Variants in PTK2 observed in about 807,000 individuals in gnomAD.
The protein encoded by PTK2 is protein tyrosine kinase 2, also known as focal adhesion kinase 1.
Under a neutral mutation model 150.1 loss-of-function variants are expected in PTK2, and 45 were observed. The ratio of observed to expected loss-of-function variants is 0.30; its 90% CI spans 0.24 to 0.38. PTK2 has a LOEUF of 0.38. Ranked by LOEUF, PTK2 falls within the 10% of genes least tolerant of loss-of-function variation. The pLI is 1.00. For missense variants in PTK2, 919 were observed against 1,307.3 expected (o/e 0.70, Z 4.58); for synonymous variants, 432 against 449.2 (o/e 0.96, Z 0.48).
intron 1 of PTK2, among the ~76,000 whole-genome samples, chr8:140,994,310 A>G (rs935114005): frequency 6.6e-6 from 1 of 152,244 alleles, no homozygotes; most frequent in Non-Finnish European, 1.5e-5. Context: ...GTATTTATGC[A>G]AATCAAGCTA....
chr8:140,824,054 A>G (rs2100110450), intron 8 of PTK2, among the ~76,000 whole-genome samples: 1 of 152,196 alleles, frequency 6.6e-6, no homozygotes, highest in Non-Finnish European at 1.5e-5. Flanking sequence ...ACAGGGATTG[A>G]AGCCATCAAC....
intron 14 of PTK2, chr8:140,769,592 T>A (rs763518658): frequency 7.3e-7 from 1 of 1,362,452 alleles, no homozygotes; most frequent in Admixed American, 1.9e-5. Context: ...ACTAATTTCA[T>A]CTGCAGATCC....
intron 8 of PTK2, among the ~76,000 whole-genome samples, chr8:140,828,457 T>C (rs1158864825): frequency 1.3e-5 from 2 of 152,142 alleles, no homozygotes; most frequent in Non-Finnish European, 2.9e-5. Context: ...CTAGAATGTA[T>C]TGGACTCCTA....
chr8:140,958,171 T>G (rs1180498348), intron 1 of PTK2, among the ~76,000 whole-genome samples: 1 of 152,222 alleles, frequency 6.6e-6, no homozygotes, highest in African/African-American at 2.4e-5. Context: ...AGTGTCTCAC[T>G]CTGTCACCCA....
At chr8:140,985,438 T>A (rs1231130549) in intron 1 of PTK2, among the ~76,000 whole-genome samples, 2 of 152,302 alleles carry the variant, frequency 1.3e-5, no homozygotes, top group Middle Eastern at 3.4e-3. Flanking sequence ...ATGACATTTT[T>A]AAAAATCTAT....
intron 10 of PTK2, among the ~76,000 whole-genome samples, chr8:140,808,733 G>GTTTTT (rs57600032): frequency 2.4e-4 from 28 of 116,570 alleles, no homozygotes; most frequent in African/African-American, 5.5e-4. Flanking sequence ...TTTTGTTCTT[G>GTTTTT]TTTTTTTTTT....
chr8:140,678,048 GTTGA>G (rs2100014873), intron 27 of PTK2, among the ~76,000 whole-genome samples: 1 of 152,250 alleles, frequency 6.6e-6, no homozygotes, highest in South Asian at 2.1e-4. Flanking sequence ...TTTGGTATTG[GTTGA>G]TTGATTAAGT....
intron 1 of PTK2, among the ~76,000 whole-genome samples, chr8:140,952,201 T>G (rs1399803111): frequency 2.0e-5 from 3 of 152,206 alleles, no homozygotes; most frequent in Admixed American, 2.0e-4. Flanking sequence ...TTAGTGCAAG[T>G]TAACTGCGGG....
intron 4 of PTK2, 70 bp from the exon 5 acceptor site, chr8:140,864,469 A>G: frequency 1.2e-6 from 1 of 861,650 alleles, no homozygotes; most frequent in Non-Finnish European, 1.8e-6. Context: ...TACAATTATA[A>G]TATTGTGAGT....
chr8:140,922,780 T>C (rs368808785), intron 2 of PTK2, among the ~76,000 whole-genome samples: 10 of 152,148 alleles, frequency 6.6e-5, no homozygotes, highest in Admixed American at 3.9e-4. Context: ...GACAGGGTCA[T>C]AGACTAGGAA....
At chr8:140,891,654 C>G (rs1193622614) in intron 2 of PTK2, among the ~76,000 whole-genome samples, 2 of 152,142 alleles carry the variant, frequency 1.3e-5, no homozygotes, top group Admixed American at 1.3e-4. Flanking sequence ...AGCAAGGGAT[C>G]AAATCTTGGA....
intron 3 of PTK2, among the ~76,000 whole-genome samples, chr8:140,885,548 A>C (rs149725675): frequency 6.6e-6 from 1 of 152,312 alleles, no homozygotes; most frequent in Admixed American, 6.5e-5. Flanking sequence ...TGACAGAAAA[A>C]CAGCAATGGT....
chr8:140,927,790 T>C (rs1163660229), intron 1 of PTK2, among the ~76,000 whole-genome samples: 6 of 151,006 alleles, frequency 4.0e-5, no homozygotes, highest in African/African-American at 1.5e-4. Context: ...ACCCCATCTG[T>C]ACTAAATACA....
rs553129002 is a variant in PTK2, at chr8:140,693,218, G to A, written c.2500-6524C>T. ...CTTTCAGAGTATATTTGCAGGCACAGAACTATTTCAGAAAGGACAGTATCT... is the reference window on the plus strand; with the variant it reads ...CTTTCAGAGTATATTTGCAGGCACAAAACTATTTCAGAAAGGACAGTATCT... On this transcript the variant is annotated intron_variant, in intron 26 of 31. Coordinates refer to ENST00000522684, the Ensembl canonical transcript of PTK2. 3.0e-3 allele frequency among the ~76,000 whole-genome samples: 443 copies of A among 149,814 alleles called. 4 individuals are homozygous for A. Among genetic ancestry groups the A allele is most frequent in the African/African-American group, 0.01 (429 of 41,422 alleles).
intron 16 of PTK2, among the ~76,000 whole-genome samples, chr8:140,757,588 G>A (rs926432534): frequency 3.3e-5 from 5 of 151,988 alleles, no homozygotes; most frequent in African/African-American, 1.2e-4. Context: ...ACTAGTACAC[G>A]TGTAAAGGAC....
At chr8:140,686,925 C>T in intron 26 of PTK2, 1 of 519,806 alleles carries the variant, frequency 1.9e-6, no homozygotes, top group South Asian at 2.2e-5. Flanking sequence ...CCTGCACTGG[C>T]CCACCCAGTG....
intron 26 of PTK2, among the ~76,000 whole-genome samples, chr8:140,695,729 T>C (rs2100026151): frequency 6.6e-6 from 1 of 152,150 alleles, no homozygotes; most frequent in African/African-American, 2.4e-5. Flanking sequence ...AGATGCCATC[T>C]GCTTCAAATC....
At chr8:140,807,561 G>A (rs962414690) in intron 10 of PTK2, among the ~76,000 whole-genome samples, 12 of 152,078 alleles carry the variant, frequency 7.9e-5, no homozygotes, top group African/African-American at 2.7e-4. Context: ...TTCAACTGGT[G>A]GCAGGAAGCC....
At chr8:140,930,524 T>C (rs987444604) in intron 1 of PTK2, among the ~76,000 whole-genome samples, 3 of 152,224 alleles carry the variant, frequency 2.0e-5, no homozygotes, top group Non-Finnish European at 2.9e-5. Flanking sequence ...TTCCCTCTTA[T>C]GTACTCTTTC....
Sources: gnomAD v4.1 joint callset for allele counts (sites outside exome capture counted in the v4.1 genomes callset) on GRCh38, gnomAD v4.1.1 for gene constraint, MANE v1.5 for transcripts, NCBI Gene and HGNC (gene_info 2026-07-23, HGNC 2026-07-21) for gene names.